MAP3K3: variants seen among roughly 807,000 people sequenced by gnomAD.
MAP3K3 encodes the protein MAP/ERK kinase kinase 3.
MAP3K3 carries 12 observed loss-of-function variants against 80.9 expected under a neutral mutation model. That is an observed-to-expected ratio of 0.15 (90% CI 0.10 to 0.24). The LOEUF (loss-of-function observed/expected upper bound fraction) is 0.24. Among genes scored for constraint, MAP3K3 ranks in the 10% least tolerant of loss-of-function variants. MAP3K3 has a pLI of 1.00. For synonymous variants in MAP3K3, 272 were observed against 307.1 expected, an observed-to-expected ratio of 0.89 and a Z score of 1.19; for missense variants, 596 against 834.7, an observed-to-expected ratio of 0.71 and a Z score of 3.52.
At chr17:63,660,434 A>G (rs2034865456) in intron 5 of MAP3K3, among the ~76,000 whole-genome samples, 1 of 151,702 alleles carries the variant, frequency 6.6e-6, no homozygotes, top group Non-Finnish European at 1.5e-5. Context: ...GCTGGTCTCA[A>G]ACTCCTGGGC....
At position 63,693,465 on chromosome 17, in the gene MAP3K3, A is replaced by C; in HGVS notation, c.1653-84A>C. On this transcript the variant is annotated intron_variant, in intron 15 of 15. Transcript: ENST00000361733. The surrounding 1 kb of genome is among the most constrained non-coding windows in gnomAD (Gnocchi z 4.2). ...TCCTGCACCTCAGCTTGCTGTGAGA[A>C]AGGCGCCTCTTTCTGCAGTGGTGGG... 8.2e-7 allele frequency: 1 copy of C among 1,222,482 alleles called. No homozygotes were observed. Among genetic ancestry groups the C allele is most frequent in the Non-Finnish European group, 1.2e-6 (1 of 860,952 alleles). The allele number at this position is 1,222,482 out of a possible 1,614,324, so 75.7% of individuals were successfully genotyped here. A position where few individuals can be genotyped will look rare whatever the true frequency, so the allele number is the denominator to read the frequency against.
intron 2 of MAP3K3, among the ~76,000 whole-genome samples, chr17:63,642,004 C>T (rs769418881): frequency 2.0e-5 from 3 of 152,118 alleles, no homozygotes; most frequent in Non-Finnish European, 2.9e-5. Flanking sequence ...AATGGCTGGC[C>T]GGAAGGCATT....
At chr17:63,628,004 C>G (rs901347658) in intron 1 of MAP3K3, among the ~76,000 whole-genome samples, 4 of 151,202 alleles carry the variant, frequency 2.6e-5, no homozygotes, top group Non-Finnish European at 5.9e-5. Context: ...CTCCCAGGTT[C>G]AAGCTATTCC....
chr17:63,689,758 G>A lies in MAP3K3; in HGVS notation c.1063+23G>A, dbSNP rs2035544621. Reference sequence around the variant, plus strand: ...AGTGTGAGGAGCTGTCCCTGGCTAGGAGGAGACTGCCCAGGTGGTCTCAGA... The same window carrying A: ...AGTGTGAGGAGCTGTCCCTGGCTAGAAGGAGACTGCCCAGGTGGTCTCAGA... On this transcript the variant is annotated intron_variant, in intron 11 of 15. Transcript: ENST00000361733. The surrounding 1 kb of genome is among the most constrained non-coding windows in gnomAD (Gnocchi z 4.3). 8 of 1,593,378 alleles carry A rather than the reference G, an allele frequency of 5.0e-6. No homozygotes were observed. The East Asian group carries it at 1.8e-4, about 36-fold the overall frequency.
At chr17:63,660,349 G>T (rs537979040) in intron 5 of MAP3K3, among the ~76,000 whole-genome samples, 8 of 151,684 alleles carry the variant, frequency 5.3e-5, no homozygotes, top group African/African-American at 1.9e-4. Context: ...GACTACAGGC[G>T]TGTGCCCCCA....
intron 6 of MAP3K3, 53 bp downstream of exon 6, chr17:63,667,113 A>T (rs534199832): frequency 9.9e-6 from 15 of 1,513,946 alleles, no homozygotes; most frequent in African/African-American, 7.0e-5. Flanking sequence ...CCCACATTTT[A>T]AAAAAGCAAC....
chr17:63,689,337 G>C lies in MAP3K3; in HGVS notation c.872-207G>C. On this transcript the variant is annotated intron_variant, in intron 10 of 15. Coordinates refer to ENST00000361733, the MANE Select transcript of MAP3K3 (RefSeq NM_002401.5). This position sits in a 1 kb window ranked among gnomAD's most constrained non-coding sequence, Gnocchi z 4.3. ...AATTTCTGCTTTTGTCCTGATTCTTGGAGTGCTTGGGACAGCAGCCTCTGT... is the reference window on the plus strand; with the variant it reads ...AATTTCTGCTTTTGTCCTGATTCTTCGAGTGCTTGGGACAGCAGCCTCTGT... 1.7e-6 allele frequency: 1 copy of C among 579,320 alleles called. No individual in the cohort carries two copies. Among genetic ancestry groups the C allele is most frequent in the Non-Finnish European group, 3.1e-6 (1 of 325,972 alleles). 35.9% of individuals were successfully genotyped at this position (579,320 alleles called of 1,614,324 possible).
At position 63,628,122 on chromosome 17, in the gene MAP3K3, T is replaced by C. The variant is rs553533726; in HGVS notation, c.5-4559T>C. ...GGTTTCACCATGTTGACCAGGCTGGTCTTGAACTCCTGACCTCAGGTGATC... is the reference window on the plus strand; with the variant it reads ...GGTTTCACCATGTTGACCAGGCTGGCCTTGAACTCCTGACCTCAGGTGATC... On this transcript the variant is annotated intron_variant, in intron 1 of 15. Coordinates refer to ENST00000361733, the MANE Select transcript of MAP3K3 (RefSeq NM_002401.5). Among the ~76,000 whole-genome samples the C allele has an allele frequency of 4.0e-4, 60 of 151,436 alleles. 1 individual carries two copies. The highest frequency in any genetic ancestry group is 3.4e-3 in the Middle Eastern group (1 of 294).
At chr17:63,653,112 A>G (rs1391528918) in intron 4 of MAP3K3, among the ~76,000 whole-genome samples, 2 of 152,114 alleles carry the variant, frequency 1.3e-5, no homozygotes, top group Non-Finnish European at 2.9e-5. Context: ...ATTGGAGCTT[A>G]TTTGTTTCAA....
chr17:63,650,715 AG>A (rs1459056670), intron 3 of MAP3K3, among the ~76,000 whole-genome samples: 1 of 143,694 alleles, frequency 7.0e-6, no homozygotes, highest in Admixed American at 6.9e-5. Context: ...TTTTTTAGAC[AG>A]GGTCTCATTC....
chr17:63,689,376 TG>T lies in MAP3K3; in HGVS notation c.872-165del. The T allele has an allele frequency of 1.7e-6, 1 of 604,520 alleles. No homozygotes were observed. Among genetic ancestry groups the T allele is most frequent in the Non-Finnish European group, 2.9e-6 (1 of 342,710 alleles). 37.4% of individuals were successfully genotyped at this position (604,520 alleles called of 1,614,324 possible). ...AGCAGCCTCTGTGGAATGAGTCAGG[TG>T]GGAGTGCGGACGGGATGGGCTGGAG... is the stretch of plus-strand genomic sequence containing the variant. On this transcript the variant is annotated intron_variant, in intron 10 of 15. Transcript: ENST00000361733. The surrounding 1 kb of genome is among the most constrained non-coding windows in gnomAD (Gnocchi z 4.3).
chr17:63,662,121 T>A (rs932473897), intron 5 of MAP3K3, among the ~76,000 whole-genome samples: 5 of 128,102 alleles, frequency 3.9e-5, no homozygotes, highest in Admixed American at 3.1e-4. Flanking sequence ...AATAATAACA[T>A]TGGGCTGGGC....
intron 5 of MAP3K3, among the ~76,000 whole-genome samples, chr17:63,664,127 G>A (rs1386292667): frequency 6.6e-6 from 1 of 150,744 alleles, no homozygotes; most frequent in Non-Finnish European, 1.5e-5. Context: ...GGCGCCTGTA[G>A]TCCCAGCTAC....
intron 4 of MAP3K3, among the ~76,000 whole-genome samples, chr17:63,653,872 T>G (rs2143358699): frequency 6.6e-6 from 1 of 152,276 alleles, no homozygotes; most frequent in Non-Finnish European, 1.5e-5. Flanking sequence ...CAGAACATTT[T>G]CTTTTTTTTT....
At chr17:63,638,974 C>T (rs745476206) in intron 2 of MAP3K3, among the ~76,000 whole-genome samples, 11 of 151,730 alleles carry the variant, frequency 7.2e-5, no homozygotes, top group South Asian at 2.1e-4. Flanking sequence ...TGTAGTGAGC[C>T]GAGATCACTG....
chr17:63,681,923 T>C, intron 7 of MAP3K3, 24 bp downstream of exon 7: 1 of 1,367,378 alleles, frequency 7.3e-7, no homozygotes, highest in Non-Finnish European at 9.6e-7. Context: ...GGCTGGGATA[T>C]GCCTGTGGCC....
At chr17:63,628,569 A>G (rs946995117) in intron 1 of MAP3K3, among the ~76,000 whole-genome samples, 1 of 152,140 alleles carries the variant, frequency 6.6e-6, no homozygotes, top group African/African-American at 2.4e-5. Context: ...CATGTTGGTC[A>G]GGCTGTTCTC....
At chr17:63,679,887 C>T (rs1225411880) in intron 6 of MAP3K3, among the ~76,000 whole-genome samples, 1 of 152,090 alleles carries the variant, frequency 6.6e-6, no homozygotes, top group Non-Finnish European at 1.5e-5. Flanking sequence ...TAAAACTGGT[C>T]TGGACTAGGG....
chr17:63,654,106 C>T (rs564031875), intron 4 of MAP3K3, among the ~76,000 whole-genome samples: 263 of 152,170 alleles, frequency 1.7e-3, no homozygotes, highest in African/African-American at 6.0e-3. Context: ...TGAGCTCAAG[C>T]GATCTGCCTG....
Sources: gnomAD v4.1 joint callset for allele counts (sites outside exome capture counted in the v4.1 genomes callset) on GRCh38, gnomAD v4.1.1 for gene constraint, Gnocchi (gnomAD v3.1) non-coding constraint, MANE v1.5 for transcripts, NCBI Gene and HGNC (gene_info 2026-07-23, HGNC 2026-07-21) for gene names.